The following TENM2 variants were observed in gnomAD, a reference collection of about 807,000 sequenced individuals.
TENM2 encodes teneurin-2.
In TENM2, 52 loss-of-function variants were observed where a neutral mutation model predicts 245.2. The ratio of observed to expected loss-of-function variants is 0.21; its 90% CI spans 0.17 to 0.27. The LOEUF is 0.27. Ranked by LOEUF, TENM2 falls within the 10% of genes least tolerant of loss-of-function variation. The pLI, the probability that TENM2 is intolerant of heterozygous loss-of-function variation, is 1.00. For missense variants in TENM2, 3,046 were observed against 3,666.8 expected, an observed-to-expected ratio of 0.83 and a Z score of 4.37; for synonymous variants, 1,363 against 1,438.9, an observed-to-expected ratio of 0.95 and a Z score of 1.19.
chr5:167,725,693 C>G (rs1759951418), intron 2 of TENM2, among the ~76,000 whole-genome samples: 1 of 152,116 alleles, frequency 6.6e-6, no homozygotes, highest in African/African-American at 2.4e-5. Flanking sequence ...CGCCAGTGCC[C>G]TGAGTGGTTT....
intron 5 of TENM2, among the ~76,000 whole-genome samples, chr5:168,039,408 G>A (rs1237279750): frequency 1.3e-5 from 2 of 151,826 alleles, no homozygotes; most frequent in Non-Finnish European, 2.9e-5. Context: ...GTGTATTGTG[G>A]GGATGTGTTT....
intron 5 of TENM2, among the ~76,000 whole-genome samples, chr5:168,001,320 T>A (rs1784407293): frequency 6.6e-6 from 1 of 152,216 alleles, no homozygotes; most frequent in South Asian, 2.1e-4. Flanking sequence ...TCGAGAGAAC[T>A]GACTGAGAGA....
the TENM2 span, among the ~76,000 whole-genome samples, chr5:167,003,369 C>A: frequency 6.6e-6 from 1 of 152,104 alleles, no homozygotes; most frequent in Non-Finnish European, 1.5e-5. Context: ...TCCTTTTAAA[C>A]TGTAATTTGA....
rs970173653 is a variant in TENM2 at position 167,717,474 on chromosome 5, C to T, written c.503-158512C>T. Among the ~76,000 whole-genome samples the T allele has an allele frequency of 2.6e-5, 4 of 152,322 alleles. No homozygotes were observed. The South Asian group carries it at 8.3e-4, about 32-fold the overall frequency. ...GGTTGTATGTGAAAGATTCGATGGA[C>T]ATAGGCACCTCATACTCTGAACACT... is the stretch of plus-strand genomic sequence containing the variant. On this transcript the variant is annotated intron_variant, in intron 2 of 28. Coordinates refer to ENST00000518659, the Ensembl canonical transcript of TENM2.
intron 2 of TENM2, among the ~76,000 whole-genome samples, chr5:167,601,199 G>A (rs2127728364): frequency 6.6e-6 from 1 of 152,344 alleles, no homozygotes; most frequent in Non-Finnish European, 1.5e-5. Context: ...TATAATAGAT[G>A]CTTGCTTGCC....
chr5:166,990,815 T>C, the TENM2 span, among the ~76,000 whole-genome samples: 1 of 152,340 alleles, frequency 6.6e-6, no homozygotes, highest in South Asian at 2.1e-4. Context: ...CATTTTTTGA[T>C]AGCTTTGAGA....
chr5:167,177,882 A>T, the TENM2 span, among the ~76,000 whole-genome samples: 1 of 152,288 alleles, frequency 6.6e-6, no homozygotes, highest in East Asian at 1.9e-4. Context: ...GAAAAGACGA[A>T]CTGCAGCAGG....
At chr5:167,718,523 G>T (rs754942042) in intron 2 of TENM2, among the ~76,000 whole-genome samples, 39 of 152,312 alleles carry the variant, frequency 2.6e-4, no homozygotes, top group South Asian at 6.2e-4. Context: ...GCCATTGGTA[G>T]TATTGAAAAG....
chr5:168,230,478 G>GTGA (rs1390535325), intron 25 of TENM2, among the ~76,000 whole-genome samples: 8 of 152,218 alleles, frequency 5.3e-5, no homozygotes, highest in Admixed American at 4.6e-4. Context: ...AATGTTGGGT[G>GTGA]TGATGTGGAT....
At chr5:167,071,533 G>T in the TENM2 span, among the ~76,000 whole-genome samples, 1 of 152,086 alleles carries the variant, frequency 6.6e-6, no homozygotes, top group African/African-American at 2.4e-5. Context: ...GTCTAGTCTT[G>T]TCAATTTGTC....
At chr5:168,012,599 G>GA (rs1785306406) in intron 5 of TENM2, among the ~76,000 whole-genome samples, 1 of 147,812 alleles carries the variant, frequency 6.8e-6, no homozygotes, top group Non-Finnish European at 1.5e-5. Context: ...CATGAGCCAT[G>GA]ATCATGCCAC....
At chr5:167,321,985 C>A (rs926620292) in intron 1 of TENM2, among the ~76,000 whole-genome samples, 1 of 151,652 alleles carries the variant, frequency 6.6e-6, no homozygotes, top group Non-Finnish European at 1.5e-5. Context: ...TGCACCACCA[C>A]GTCTGACTAG....
chr5:167,920,515 T>TCG (rs374313857), intron 3 of TENM2, among the ~76,000 whole-genome samples: 1 of 129,456 alleles, frequency 7.7e-6, no homozygotes, highest in East Asian at 2.4e-4. Context: ...CGAAACTCCA[T>TCG]CACACACACA....
At chr5:167,312,968 T>C (rs1209209668) in intron 1 of TENM2, among the ~76,000 whole-genome samples, 1 of 151,122 alleles carries the variant, frequency 6.6e-6, no homozygotes. Flanking sequence ...AGTGGTGTGA[T>C]CTCAGCTCAC....
intron 2 of TENM2, among the ~76,000 whole-genome samples, chr5:167,438,863 A>G (rs1162879061): frequency 6.7e-6 from 1 of 149,796 alleles, no homozygotes; most frequent in Non-Finnish European, 1.5e-5. Context: ...GCACGATCTC[A>G]GCTCACTGCA....
At chr5:168,252,009 G>C (rs1767154092) in intron 27 of TENM2, among the ~76,000 whole-genome samples, 1 of 152,200 alleles carries the variant, frequency 6.6e-6, no homozygotes, top group African/African-American at 2.4e-5. Flanking sequence ...GCACTCTTTT[G>C]AACAGTTACT....
the TENM2 span, among the ~76,000 whole-genome samples, chr5:167,185,452 A>G: frequency 1.1e-3 from 161 of 152,278 alleles, no homozygotes; most frequent in Middle Eastern, 3.4e-3. Flanking sequence ...GTATAAATAC[A>G]TGCCCTATTT....
At chr5:167,586,201 A>G (rs1775485610) in intron 2 of TENM2, among the ~76,000 whole-genome samples, 1 of 152,200 alleles carries the variant, frequency 6.6e-6, no homozygotes. Context: ...AACTATTTAC[A>G]TAGCATTTAC....
intron 15 of TENM2, among the ~76,000 whole-genome samples, chr5:168,196,161 T>TCC (rs1761412323): frequency 6.6e-6 from 1 of 152,154 alleles, no homozygotes; most frequent in Non-Finnish European, 1.5e-5. Context: ...GAACAGGGAT[T>TCC]TTTTACCTTT....
Sources: allele counts gnomAD v4.1 joint callset (sites outside exome capture counted in the v4.1 genomes callset), GRCh38; gene constraint gnomAD v4.1.1; transcripts MANE v1.5; gene names NCBI Gene and HGNC (gene_info 2026-07-23, HGNC 2026-07-21).